Variants in CTNNA3 observed in about 807,000 individuals in gnomAD.
CTNNA3 encodes catenin alpha 3.
In CTNNA3, 76 loss-of-function variants were observed where a neutral mutation model predicts 95.7. The observed-to-expected ratio is 0.79, with a 90% CI of 0.66 to 0.96. The LOEUF (loss-of-function observed/expected upper bound fraction) is 0.96. CTNNA3 is among the 40% of genes least tolerant of loss of function. CTNNA3 has a pLI of 0.00. For synonymous variants in CTNNA3, 431 were observed against 374.4 expected (o/e 1.15, Z -1.74); for missense variants, 1,191 against 1,089.8 (o/e 1.09, Z -1.31).
chr10:66,963,215 T>C (rs1195214963), intron 7 of CTNNA3, among the ~76,000 whole-genome samples: 2 of 152,186 alleles, frequency 1.3e-5, no homozygotes, highest in Non-Finnish European at 2.9e-5. Context: ...GGACAGTGCA[T>C]CCACAAGGAG....
Position 67,045,341 on chromosome 10 carries a change from T to A in CTNNA3, c.1047+134976A>T, listed in dbSNP as rs1854660565. Among the ~76,000 whole-genome samples the A allele has an allele frequency of 3.3e-5, 5 of 152,134 alleles. No homozygotes were observed. The South Asian group carries it at 1.0e-3, about 32-fold the overall frequency. On this transcript the variant is annotated intron_variant, in intron 7 of 17. Transcript: ENST00000433211. ...TTTAAAGAACCACAGGAGATTGAAA[T>A]TGGCAGAAACCCTGGAGGTCACCAA...
At chr10:67,688,733 C>T (rs948769534) in intron 1 of CTNNA3, among the ~76,000 whole-genome samples, 1 of 152,154 alleles carries the variant, frequency 6.6e-6, no homozygotes, top group African/African-American at 2.4e-5. Context: ...GACAAAACCA[C>T]CCTTGGTCTT....
chr10:67,217,872 T>C (rs1004424281), intron 6 of CTNNA3, among the ~76,000 whole-genome samples: 4 of 146,074 alleles, frequency 2.7e-5, no homozygotes, highest in African/African-American at 1.0e-4. Flanking sequence ...TCTAAAACTT[T>C]CTGAATGCCA....
At chr10:66,656,830 T>A (rs1252196980) in intron 9 of CTNNA3, among the ~76,000 whole-genome samples, 1 of 151,946 alleles carries the variant, frequency 6.6e-6, no homozygotes, top group Non-Finnish European at 1.5e-5. Context: ...TTTGTTGTTG[T>A]TTTTTGTTTT....
At chr10:66,799,431 A>G (rs1841342457) in intron 7 of CTNNA3, among the ~76,000 whole-genome samples, 1 of 151,646 alleles carries the variant, frequency 6.6e-6, no homozygotes, top group Non-Finnish European at 1.5e-5. Context: ...TATGAGATAG[A>G]TATTTTAAAA....
At chr10:67,690,009 C>T (rs532071931) in intron 1 of CTNNA3, among the ~76,000 whole-genome samples, 4 of 152,280 alleles carry the variant, frequency 2.6e-5, no homozygotes, top group African/African-American at 9.6e-5. Flanking sequence ...TTCTTGGTCT[C>T]GCTGACTTCA....
intron 7 of CTNNA3, among the ~76,000 whole-genome samples, chr10:67,042,031 G>A (rs892768213): frequency 2.2e-4 from 33 of 152,146 alleles, no homozygotes; most frequent in African/African-American, 7.2e-5. Context: ...GATAGGAGAC[G>A]TGAGCAGAGC....
At chr10:67,577,632 G>T (rs532506500) in intron 3 of CTNNA3, among the ~76,000 whole-genome samples, 1 of 151,124 alleles carries the variant, frequency 6.6e-6, no homozygotes, top group East Asian at 2.0e-4. Context: ...CCTAGGTTTT[G>T]TATATATATG....
At chr10:67,448,474 A>G (rs1296587588) in intron 5 of CTNNA3, among the ~76,000 whole-genome samples, 1 of 152,134 alleles carries the variant, frequency 6.6e-6, no homozygotes, top group African/African-American at 2.4e-5. Flanking sequence ...ATAAAAGTAG[A>G]TTAATAAAAC....
intron 7 of CTNNA3, among the ~76,000 whole-genome samples, chr10:66,967,519 C>A (rs948710274): frequency 6.6e-6 from 1 of 151,880 alleles, no homozygotes; most frequent in Non-Finnish European, 1.5e-5. Flanking sequence ...CTCAGCAATA[C>A]AAGATTTCAA....
intron 10 of CTNNA3, among the ~76,000 whole-genome samples, chr10:66,593,836 TCA>T (rs1396457520): frequency 6.6e-6 from 1 of 152,122 alleles, no homozygotes; most frequent in African/African-American, 2.4e-5. Context: ...CTATTCATTC[TCA>T]GTTGTTTTCT....
chr10:67,596,230 C>G (rs1218465944), intron 3 of CTNNA3, among the ~76,000 whole-genome samples: 1 of 152,136 alleles, frequency 6.6e-6, no homozygotes, highest in Non-Finnish European at 1.5e-5. Flanking sequence ...TGCATTGGAT[C>G]TATGTACTTA....
intron 7 of CTNNA3, among the ~76,000 whole-genome samples, chr10:66,957,418 A>G (rs1848866426): frequency 3.1e-5 from 1 of 32,696 alleles, no homozygotes; most frequent in Non-Finnish European, 5.6e-5. Flanking sequence ...ATATATGCAT[A>G]TATATATATG....
At chr10:66,816,397 C>T (rs1469871489) in intron 7 of CTNNA3, among the ~76,000 whole-genome samples, 2 of 151,900 alleles carry the variant, frequency 1.3e-5, no homozygotes, top group Non-Finnish European at 2.9e-5. Flanking sequence ...CAAAAATCGA[C>T]TAATGGATTT....
At chr10:67,527,792 A>G (rs1388291413) in intron 4 of CTNNA3, among the ~76,000 whole-genome samples, 2 of 152,234 alleles carry the variant, frequency 1.3e-5, no homozygotes, top group South Asian at 2.1e-4. Context: ...AGCAAAGATC[A>G]TGGCAATAGT....
chr10:67,208,973 G>A (rs1218194405), intron 6 of CTNNA3, among the ~76,000 whole-genome samples: 1 of 152,044 alleles, frequency 6.6e-6, no homozygotes, highest in Non-Finnish European at 1.5e-5. Flanking sequence ...ATAATAAAAG[G>A]TACCTTCCAC....
At chr10:67,231,190 G>C (rs1865187903) in intron 5 of CTNNA3, among the ~76,000 whole-genome samples, 1 of 152,260 alleles carries the variant, frequency 6.6e-6, no homozygotes. Context: ...AAGGAGGCCT[G>C]CCTGCCTCTG....
At chr10:67,481,427 A>G (rs1320280719) in intron 5 of CTNNA3, among the ~76,000 whole-genome samples, 1 of 152,216 alleles carries the variant, frequency 6.6e-6, no homozygotes, top group Non-Finnish European at 1.5e-5. Context: ...AACTTCAGTA[A>G]AGTGTCAGGA....
chr10:67,097,671 T>C, intron 7 of CTNNA3: 1 of 1,612,686 alleles, frequency 6.2e-7, no homozygotes, highest in African/African-American at 1.3e-5. Flanking sequence ...TGAACTTCTC[T>C]CCCATAAGTC....
Sources: allele counts gnomAD v4.1 joint callset (sites outside exome capture counted in the v4.1 genomes callset), GRCh38; gene constraint gnomAD v4.1.1; transcripts MANE v1.5; gene names NCBI Gene and HGNC (gene_info 2026-07-23, HGNC 2026-07-21).